The following DCDC2 variants were observed in gnomAD, a reference collection of about 807,000 sequenced individuals.
DCDC2 encodes the protein doublecortin domain containing 2.
In DCDC2, 40 loss-of-function variants were observed where a neutral mutation model predicts 50.2. That is an observed-to-expected ratio of 0.80 (90% CI 0.62 to 1.04). The LOEUF is 1.04. DCDC2 is among the 50% of genes least tolerant of loss of function. The pLI is 0.00. For synonymous variants in DCDC2, 234 were observed against 210.6 expected (o/e 1.11, Z -0.96); for missense variants, 570 against 581.9 (o/e 0.98, Z 0.21).
chr6:24,307,938 A>G (rs1561768741), intron 2 of DCDC2, among the ~76,000 whole-genome samples: 1 of 152,190 alleles, frequency 6.6e-6, no homozygotes, highest in Admixed American at 6.5e-5. Flanking sequence ...TAAATTCCAG[A>G]GAGTGATGAA....
At chr6:24,361,180 C>G (rs770389386), upstream of DCDC2, among the ~76,000 whole-genome samples, 2 of 151,896 alleles carry the variant, frequency 1.3e-5, no homozygotes, top group African/African-American at 2.4e-5. Flanking sequence ...AACAAAAAAC[C>G]AAATACCCGC....
At position 24,358,025 on chromosome 6, in the gene DCDC2, A is replaced by G. The variant is rs370633509; in HGVS notation, c.-275T>C. The G allele has an allele frequency of 8.9e-5, 110 of 1,236,366 alleles. No homozygotes were observed. In the South Asian group the frequency reaches 1.6e-3, roughly 18 times the overall value. 76.6% of individuals were successfully genotyped at this position (1,236,366 alleles called of 1,614,324 possible). On this transcript the variant is annotated 5_prime_UTR_variant, in exon 1 of 10. Coordinates refer to ENST00000378454, the MANE Select transcript of DCDC2 (RefSeq NM_016356.5). ...GCAGTGCGCGCACCACACCAGGTTCACCTGCTACGGGCAGAATCAAGGTGG... is the reference window on the plus strand; with the variant it reads ...GCAGTGCGCGCACCACACCAGGTTCGCCTGCTACGGGCAGAATCAAGGTGG...
chr6:24,365,354 T>C, the DCDC2 span, among the ~76,000 whole-genome samples: 1 of 152,262 alleles, frequency 6.6e-6, no homozygotes. Context: ...TGCAACGGCA[T>C]GATCTCGGCT....
At chr6:24,250,199 G>C (rs1455596324) in intron 7 of DCDC2, among the ~76,000 whole-genome samples, 2 of 152,166 alleles carry the variant, frequency 1.3e-5, no homozygotes, top group African/African-American at 4.8e-5. Flanking sequence ...AGAGCCTCCA[G>C]GCAAGTTGGA....
intron 7 of DCDC2, among the ~76,000 whole-genome samples, chr6:24,268,948 T>C (rs35796857): frequency 0.19 from 29,063 of 152,200 alleles, 3,777 homozygotes; most frequent in Non-Finnish European, 0.29. Flanking sequence ...CATCCAATTG[T>C]ATAAAATAAG....
intron 2 of DCDC2, among the ~76,000 whole-genome samples, chr6:24,323,642 G>T (rs921710215): frequency 6.6e-6 from 1 of 151,998 alleles, no homozygotes; most frequent in Admixed American, 6.6e-5. Context: ...ATACATAAGA[G>T]ACCTCTCCCT....
chr6:24,376,099 A>G, the DCDC2 span, among the ~76,000 whole-genome samples: 1 of 152,248 alleles, frequency 6.6e-6, no homozygotes, highest in Non-Finnish European at 1.5e-5. Flanking sequence ...AATTGGTCCC[A>G]GTCACAAAGC....
Position 24,357,469 on chromosome 6 carries a change from G to A in DCDC2, c.282C>T (p.Phe94=). The part of the protein sequence containing the change: ...GNYVAGGQEA[F]KKLNYLDIGE... Reference sequence around the variant, plus strand: ...GGAGACCGACTCACTTGAGTTTCTTGAAGGCTTCCTGGCCTCCAGCCACGT... The same window carrying A: ...GGAGACCGACTCACTTGAGTTTCTTAAAGGCTTCCTGGCCTCCAGCCACGT... The change falls in exon 1 of 10, where the codon TTC becomes TTT. Residue 94 remains phenylalanine, a synonymous_variant. Transcript: ENST00000378454. 2 of 1,603,952 alleles carry A rather than the reference G, an allele frequency of 1.2e-6. No homozygotes were observed. Among genetic ancestry groups the A allele is most frequent in the Non-Finnish European group, 1.7e-6 (2 of 1,173,956 alleles).
At chr6:24,343,735 A>AT (rs1051879208) in intron 2 of DCDC2, among the ~76,000 whole-genome samples, 1 of 152,228 alleles carries the variant, frequency 6.6e-6, no homozygotes, top group Non-Finnish European at 1.5e-5. Context: ...TCTCAGTTCA[A>AT]TAGGTGTTGC....
intron 7 of DCDC2, among the ~76,000 whole-genome samples, chr6:24,238,365 C>T (rs1762498334): frequency 6.6e-6 from 1 of 151,086 alleles, no homozygotes; most frequent in African/African-American, 2.4e-5. Context: ...GTGGCACGAT[C>T]TTGGCTCACT....
chr6:24,335,251 G>T (rs751149139), intron 2 of DCDC2, among the ~76,000 whole-genome samples: 3 of 152,108 alleles, frequency 2.0e-5, no homozygotes, highest in Non-Finnish European at 4.4e-5. Flanking sequence ...AGCACACAAA[G>T]CCATTCACCA....
rs1491520496 is a variant in DCDC2 at position 24,185,727 on chromosome 6, A to ACC, written c.1024-7096_1024-7095insGG. On this transcript the variant is annotated intron_variant, in intron 8 of 9. Transcript: ENST00000378454. ...CACACACACACACACACACACACAC[A>ACC]TATACACACAGATAAAATCTATACC... Among the ~76,000 whole-genome samples, 169 of 129,618 alleles carry ACC rather than the reference A, an allele frequency of 1.3e-3. 1 individual carries two copies. Among genetic ancestry groups the ACC allele is most frequent in the Non-Finnish European group, 2.2e-3 (137 of 63,058 alleles). 85.0% of individuals were successfully genotyped at this position (129,618 alleles called of 152,430 possible). A position where few individuals can be genotyped will look rare whatever the true frequency, so the allele number is the denominator to read the frequency against.
intron 7 of DCDC2, among the ~76,000 whole-genome samples, chr6:24,215,413 G>A (rs1415886050): frequency 6.6e-6 from 1 of 152,142 alleles, no homozygotes; most frequent in Non-Finnish European, 1.5e-5. Flanking sequence ...CATGGAGTGG[G>A]GTGCATGGGG....
At chr6:24,178,086 A>G (rs1760966527) in intron 9 of DCDC2, among the ~76,000 whole-genome samples, 1 of 152,164 alleles carries the variant, frequency 6.6e-6, no homozygotes, top group Non-Finnish European at 1.5e-5. Flanking sequence ...AAGTAGATGG[A>G]TGGGTCAATG....
In DCDC2 at chr6:24,174,718, T is replaced by C. The variant is rs758240952; in HGVS notation, c.*12A>G. ...TTTCTTGCGATCCATATACTCTCTT[T>C]TTAAAAATGTTCTAAGCCACGGCAG... On this transcript the variant is annotated 3_prime_UTR_variant, in exon 10 of 10. Coordinates refer to ENST00000378454, the MANE Select transcript of DCDC2 (RefSeq NM_016356.5). 1.5e-5 allele frequency: 24 copies of C among 1,587,002 alleles called. No individual in the cohort carries two copies. The Admixed American group carries it at 3.2e-4, about 21-fold the overall frequency.
At chr6:24,342,724 A>C (rs1471240297) in intron 2 of DCDC2, among the ~76,000 whole-genome samples, 1 of 152,052 alleles carries the variant, frequency 6.6e-6, no homozygotes, top group Non-Finnish European at 1.5e-5. Flanking sequence ...TTTCAAACCA[A>C]CTCAAATTCA....
intron 7 of DCDC2, among the ~76,000 whole-genome samples, chr6:24,238,261 C>G (rs1762496537): frequency 6.9e-6 from 1 of 145,684 alleles, no homozygotes; most frequent in Non-Finnish European, 1.5e-5. Context: ...ACAAGTCAAA[C>G]CACATCTTGG....
At chr6:24,230,653 C>T (rs928732203) in intron 7 of DCDC2, among the ~76,000 whole-genome samples, 9 of 151,946 alleles carry the variant, frequency 5.9e-5, no homozygotes, top group African/African-American at 2.2e-4. Context: ...CAAAACAAAA[C>T]AAAACAAAAC....
At chr6:24,352,456 C>T (rs1039029679) in intron 2 of DCDC2, among the ~76,000 whole-genome samples, 33 of 152,160 alleles carry the variant, frequency 2.2e-4, no homozygotes, top group African/African-American at 7.7e-4. Context: ...CCTTTGTCTA[C>T]TTTAAGCTAC....
Sources: gnomAD v4.1 joint callset for allele counts (sites outside exome capture counted in the v4.1 genomes callset) on GRCh38, gnomAD v4.1.1 for gene constraint, MANE v1.5 for transcripts, NCBI Gene and HGNC (gene_info 2026-07-23, HGNC 2026-07-21) for gene names.